The following TMEM178B variants were observed in gnomAD, a reference collection of about 807,000 sequenced individuals.
TMEM178B encodes transmembrane protein 178B.
A neutral mutation model predicts 31.0 loss-of-function variants in TMEM178B; 5 were observed. That is an observed-to-expected ratio of 0.16 (90% confidence interval 0.08 to 0.34). The LOEUF (loss-of-function observed/expected upper bound fraction) is 0.34. TMEM178B is among the 10% of genes least tolerant of loss of function. The pLI is 1.00. For missense variants in TMEM178B, 275 were observed against 400.3 expected (o/e 0.69, Z 2.67); for synonymous variants, 164 against 164.0 (o/e 1.00, Z 0.00).
intron 2 of TMEM178B, among the ~76,000 whole-genome samples, chr7:141,246,090 A>G (rs1797726039): frequency 6.6e-6 from 1 of 152,138 alleles, no homozygotes; most frequent in Non-Finnish European, 1.5e-5. Flanking sequence ...GCCTATCACA[A>G]CTTTTTATTT....
intron 2 of TMEM178B, among the ~76,000 whole-genome samples, chr7:141,243,222 G>T (rs543999070): frequency 6.6e-6 from 1 of 152,076 alleles, no homozygotes. Context: ...GAGTCCATGC[G>T]AGGTCAGCCT....
intron 2 of TMEM178B, among the ~76,000 whole-genome samples, chr7:141,395,606 C>T (rs1005392942): frequency 6.6e-6 from 1 of 152,152 alleles, no homozygotes; most frequent in African/African-American, 2.4e-5. Flanking sequence ...CAGAGGTCTC[C>T]CCAAGGCCTC....
intron 2 of TMEM178B, among the ~76,000 whole-genome samples, chr7:141,261,974 A>G (rs1170741910): frequency 6.6e-6 from 1 of 152,174 alleles, no homozygotes; most frequent in East Asian, 1.9e-4. Context: ...CTAAGGCCAG[A>G]AAAGAGCCCT....
chr7:141,495,188 G>A, the TMEM178B span, among the ~76,000 whole-genome samples: 3 of 152,266 alleles, frequency 2.0e-5, no homozygotes, highest in Non-Finnish European at 1.5e-5. Context: ...GGGATTAAGA[G>A]ACCAGCTAAA....
intron 1 of TMEM178B, among the ~76,000 whole-genome samples, chr7:141,085,251 C>A (rs1302373060): frequency 2.0e-5 from 3 of 151,118 alleles, no homozygotes; most frequent in East Asian, 3.9e-4. Flanking sequence ...CCAGCCTCAG[C>A]CTCCCAAAGT....
At chr7:141,362,028 C>T (rs1431106518) in intron 2 of TMEM178B, among the ~76,000 whole-genome samples, 1 of 152,226 alleles carries the variant, frequency 6.6e-6, no homozygotes, top group Non-Finnish European at 1.5e-5. Context: ...GGCAAAACAT[C>T]TTTAGTGCGT....
Position 141,416,775 on chromosome 7 carries a change from G to A in TMEM178B, c.497-20833G>A, listed in dbSNP as rs573465616. On this transcript the variant is annotated intron_variant, in intron 2 of 3. Coordinates refer to ENST00000565468, the MANE Select transcript of TMEM178B (RefSeq NM_001195278.2). ...ACATCAAGGGCAGAGGGAGAGATTGGCACACATGGGGCTAACGGGGTGGGG... is the reference window on the plus strand; with the variant it reads ...ACATCAAGGGCAGAGGGAGAGATTGACACACATGGGGCTAACGGGGTGGGG... Among the ~76,000 whole-genome samples the A allele has an allele frequency of 4.6e-5, 7 of 152,278 alleles. No homozygotes were observed. The East Asian group carries it at 1.4e-3, about 29-fold the overall frequency.
intron 2 of TMEM178B, among the ~76,000 whole-genome samples, chr7:141,316,109 G>A (rs1317775357): frequency 6.6e-6 from 1 of 152,134 alleles, no homozygotes; most frequent in Non-Finnish European, 1.5e-5. Context: ...AGGGAGGGAA[G>A]GAAGTAGCAA....
intron 2 of TMEM178B, among the ~76,000 whole-genome samples, chr7:141,257,274 A>G (rs1468206256): frequency 1.3e-5 from 2 of 152,188 alleles, no homozygotes; most frequent in Non-Finnish European, 2.9e-5. Context: ...GTTGTTGGTG[A>G]TCCTCTAATA....
At chr7:141,184,423 G>C (rs1431781144) in intron 1 of TMEM178B, among the ~76,000 whole-genome samples, 1 of 152,090 alleles carries the variant, frequency 6.6e-6, no homozygotes, top group Non-Finnish European at 1.5e-5. Context: ...AAATGCTCTT[G>C]ACTCTAGGCT....
At chr7:141,372,314 G>A (rs759743388) in intron 2 of TMEM178B, among the ~76,000 whole-genome samples, 5 of 151,974 alleles carry the variant, frequency 3.3e-5, no homozygotes, top group African/African-American at 4.8e-5. Context: ...TCCTCTCCTC[G>A]CTGTCTCTGC....
intron 1 of TMEM178B, among the ~76,000 whole-genome samples, chr7:141,154,251 T>C (rs947932503): frequency 2.0e-5 from 3 of 152,272 alleles, no homozygotes; most frequent in African/African-American, 7.2e-5. Context: ...AGAATGGCTT[T>C]CTGCCTAAAG....
chr7:141,086,946 C>T (rs996230938), intron 1 of TMEM178B, among the ~76,000 whole-genome samples: 1 of 151,996 alleles, frequency 6.6e-6, no homozygotes, highest in Admixed American at 6.6e-5. Context: ...CCTTGGCCTC[C>T]CAAGATGCTA....
the TMEM178B span, among the ~76,000 whole-genome samples, chr7:141,494,039 T>G: frequency 6.6e-6 from 1 of 152,152 alleles, no homozygotes; most frequent in Non-Finnish European, 1.5e-5. Flanking sequence ...CTTTCCCCCC[T>G]CCCCATTTCC....
intron 2 of TMEM178B, among the ~76,000 whole-genome samples, chr7:141,365,871 C>T (rs1207038751): frequency 6.6e-6 from 1 of 152,228 alleles, no homozygotes; most frequent in African/African-American, 2.4e-5. Context: ...AATAAGGTCA[C>T]CGTCACAGGT....
At chr7:141,416,341 T>C (rs1801095950) in intron 2 of TMEM178B, 1 of 152,694 alleles carries the variant, frequency 6.5e-6, no homozygotes, top group African/African-American at 2.4e-5. Context: ...ACAGAGACCA[T>C]GTCTCCAGAA....
At chr7:141,210,460 A>C (rs1459605857) in intron 1 of TMEM178B, among the ~76,000 whole-genome samples, 1 of 152,094 alleles carries the variant, frequency 6.6e-6, no homozygotes, top group Admixed American at 6.6e-5. Flanking sequence ...CAAAACTCTC[A>C]ATCAGTCAAT....
chr7:141,396,028 C>T (rs1303515673), intron 2 of TMEM178B, among the ~76,000 whole-genome samples: 2 of 152,070 alleles, frequency 1.3e-5, no homozygotes, highest in African/African-American at 4.8e-5. Context: ...CAAGGAGATA[C>T]GGGGATCCTC....
Position 141,475,850 on chromosome 7 carries a change from A to G in TMEM178B, c.*5064A>G, listed in dbSNP as rs979206674. 1 of 151,930 alleles carries G rather than the reference A, an allele frequency of 6.6e-6. No homozygotes were observed. Among genetic ancestry groups the G allele is most frequent in the African/African-American group, 2.4e-5 (1 of 41,338 alleles). The allele number at this position is 151,930 out of a possible 1,614,324, so 9.4% of individuals were successfully genotyped here. A position where few individuals can be genotyped will look rare whatever the true frequency, so the allele number is the denominator to read the frequency against. ...ATAGATGTAAGAATGCGGAAGCCAGAGTAACTCACTCATTAAGCTACACTT... is the reference window on the plus strand; with the variant it reads ...ATAGATGTAAGAATGCGGAAGCCAGGGTAACTCACTCATTAAGCTACACTT... On this transcript the variant is annotated 3_prime_UTR_variant, in exon 4 of 4. Coordinates refer to ENST00000565468, the MANE Select transcript of TMEM178B (RefSeq NM_001195278.2).
Sources: allele counts gnomAD v4.1 joint callset (sites outside exome capture counted in the v4.1 genomes callset), GRCh38; gene constraint gnomAD v4.1.1; transcripts MANE v1.5; gene names NCBI Gene and HGNC (gene_info 2026-07-23, HGNC 2026-07-21).